The following ABI3BP variants were observed in gnomAD, a reference collection of about 807,000 sequenced individuals.
The protein encoded by ABI3BP is target of Nesh-SH3.
In ABI3BP, 216 loss-of-function variants were observed where a neutral mutation model predicts 268.6. The observed-to-expected ratio is 0.80, with a 90% CI of 0.72 to 0.90. The LOEUF (loss-of-function observed/expected upper bound fraction) is 0.90. Among genes scored for constraint, ABI3BP ranks in the 40% least tolerant of loss-of-function variants. ABI3BP has a pLI of 0.00. For missense variants in ABI3BP, 2,090 were observed against 2,182.4 expected, an observed-to-expected ratio of 0.96 and a Z score of 0.84; for synonymous variants, 730 against 730.0, an observed-to-expected ratio of 1.00 and a Z score of 0.00.
intron 7 of ABI3BP, among the ~76,000 whole-genome samples, chr3:100,876,093 C>A (rs975259493): frequency 1.3e-5 from 2 of 152,078 alleles, no homozygotes; most frequent in African/African-American, 2.4e-5. Flanking sequence ...ATTTGAAAAA[C>A]CAGAAGCCAA....
intron 37 of ABI3BP, among the ~76,000 whole-genome samples, chr3:100,822,971 G>A (rs1384502654): frequency 6.6e-6 from 1 of 152,088 alleles, no homozygotes; most frequent in Non-Finnish European, 1.5e-5. Flanking sequence ...ATGAAGGACA[G>A]TTCCACTAAA....
chr3:100,957,550 C>T (rs2077256288), intron 1 of ABI3BP, among the ~76,000 whole-genome samples: 1 of 152,112 alleles, frequency 6.6e-6, no homozygotes, highest in African/African-American at 2.4e-5. Flanking sequence ...AGTCATAAGA[C>T]TAGATGAGAT....
intron 59 of ABI3BP, among the ~76,000 whole-genome samples, chr3:100,776,300 G>A (rs989647206): frequency 1.3e-5 from 2 of 152,186 alleles, no homozygotes; most frequent in Admixed American, 1.3e-4. Flanking sequence ...CCTCTGACCT[G>A]GCCTCCAGGG....
chr3:100,754,342 C>T (rs2128224), intron 64 of ABI3BP, among the ~76,000 whole-genome samples: 5,630 of 152,216 alleles, frequency 0.037, 361 homozygotes, highest in African/African-American at 0.13. Context: ...TATTTTCATT[C>T]TAGACATGCA....
chr3:100,769,913 G>A (rs1461198053), intron 62 of ABI3BP, among the ~76,000 whole-genome samples: 1 of 152,202 alleles, frequency 6.6e-6, no homozygotes, highest in African/African-American at 2.4e-5. Context: ...TGTCTGAGGA[G>A]ACATAGCTGC....
In ABI3BP at chr3:100,886,131, T is replaced by G; in HGVS notation, c.643+11A>C. On this transcript the variant is annotated intron_variant, in intron 5 of 67. Transcript: ENST00000471714. ...AAAAGCTTACTGAAACAAACATTTC[T>G]AGGTACTTACTTCCAACAACAGTCT... is the stretch of plus-strand genomic sequence containing the variant. 6.4e-7 allele frequency: 1 copy of G among 1,557,468 alleles called. No homozygotes were observed. Among genetic ancestry groups the G allele is most frequent in the Non-Finnish European group, 8.6e-7 (1 of 1,156,978 alleles).
Position 100,817,484 on chromosome 3 carries a change from C to A in ABI3BP, c.3100G>T (p.Val1034Phe). ...GTTCTAAAAGTGTCAGGTTCAAGGA[C>A]TGTAGTAACAACTAGACAAAAATAA... ...EAPKTMVVTT[V>F]LEPDTFRTKF... The change falls in exon 42 of 68, where the codon GTC (valine) becomes TTC (phenylalanine). Residue 1034 changes from valine to phenylalanine, a missense_variant. Transcript: ENST00000471714. 6.7e-7 allele frequency: 1 copy of A among 1,501,870 alleles called. No individual in the cohort carries two copies. Among genetic ancestry groups the A allele is most frequent in the Admixed American group, 2.0e-5 (1 of 49,436 alleles). The allele number at this position is 1,501,870 out of a possible 1,614,324, so 93.0% of individuals were successfully genotyped here. A position where few individuals can be genotyped will look rare whatever the true frequency, so the allele number is the denominator to read the frequency against.
At chr3:100,842,474 TTC>T (rs965853101) in intron 20 of ABI3BP, among the ~76,000 whole-genome samples, 22 of 152,214 alleles carry the variant, frequency 1.4e-4, no homozygotes, top group African/African-American at 5.1e-4. Flanking sequence ...GGACCTGACG[TTC>T]TCTCACAAAA....
In ABI3BP at chr3:100,982,891, C is replaced by G. The variant is rs79243190; in HGVS notation, c.79+10415G>C. Among the ~76,000 whole-genome samples the G allele has an allele frequency of 4.0e-3, 613 of 152,208 alleles. 5 individuals are homozygous for G. Among genetic ancestry groups the G allele is most frequent in the African/African-American group, 0.014 (590 of 41,532 alleles). ...AGGAGAAGGAAATTGTCCTGCATCT[C>G]CTGCCGACATAGCTGGAAAAGAACT... On this transcript the variant is annotated intron_variant, in intron 1 of 67. Coordinates refer to ENST00000471714, the MANE Select transcript of ABI3BP (RefSeq NM_001375547.2).
intron 62 of ABI3BP, among the ~76,000 whole-genome samples, chr3:100,768,116 TCA>T (rs1454664795): frequency 2.7e-4 from 38 of 141,412 alleles, no homozygotes; most frequent in Non-Finnish European, 4.9e-4. Context: ...AGACGGAGTC[TCA>T]CACTCTGTCG....
intron 14 of ABI3BP, among the ~76,000 whole-genome samples, chr3:100,854,759 A>G (rs902841069): frequency 1.3e-5 from 2 of 152,384 alleles, no homozygotes; most frequent in Non-Finnish European, 2.9e-5. Context: ...AATAAAATAG[A>G]TAATTCAATT....
intron 45 of ABI3BP, among the ~76,000 whole-genome samples, chr3:100,813,336 GC>G: frequency 6.6e-6 from 1 of 152,200 alleles, no homozygotes; most frequent in East Asian, 1.9e-4. Context: ...ATTAAAGAGA[GC>G]CACAAACTTG....
At chr3:100,782,103 G>C (rs751613490) in intron 57 of ABI3BP, among the ~76,000 whole-genome samples, 3 of 152,168 alleles carry the variant, frequency 2.0e-5, no homozygotes, top group African/African-American at 4.8e-5. Flanking sequence ...TGGGTGGCTT[G>C]AGCTGCCACC....
intron 20 of ABI3BP, chr3:100,843,950 T>A (rs2152962367): frequency 1.0e-6 from 1 of 985,332 alleles, no homozygotes; most frequent in African/African-American, 1.7e-5. Flanking sequence ...ATTTTTGAGT[T>A]CCTGGCTGAG....
At chr3:100,786,793 G>A (rs540205496) in intron 57 of ABI3BP, among the ~76,000 whole-genome samples, 33 of 152,130 alleles carry the variant, frequency 2.2e-4, no homozygotes, top group African/African-American at 7.2e-4. Flanking sequence ...ATGCTTTCTT[G>A]CTTTTCATAA....
intron 9 of ABI3BP, 126 bp downstream of exon 9, chr3:100,874,715 T>C (rs1165132260): frequency 1.8e-6 from 1 of 548,766 alleles, no homozygotes; most frequent in Non-Finnish European, 3.2e-6. Flanking sequence ...CTCCAACCTC[T>C]TTGCCTCTAC....
chr3:100,993,366 AC>A lies in ABI3BP; in HGVS notation c.18del (p.Cys7ValfsTer10). The A allele has an allele frequency of 6.4e-7, 1 of 1,553,276 alleles. No individual in the cohort carries two copies. Among genetic ancestry groups the A allele is most frequent in the Non-Finnish European group, 8.7e-7 (1 of 1,147,722 alleles). ...GTAATACTTCCACAGAGAAGTAGAC[AC>A]CCCAAACTGGAGAGCATGTTGCATT... Reference protein sequence around the residue: MLSSLGCLLLCGSITL... With the variant: MLSSLXCLLLCGSITL... On this transcript the variant is annotated frameshift_variant, in exon 1 of 68. Transcript: ENST00000471714. LOFTEE classifies it high-confidence loss of function.
At chr3:100,956,949 G>T (rs1442364322) in intron 1 of ABI3BP, among the ~76,000 whole-genome samples, 2 of 152,178 alleles carry the variant, frequency 1.3e-5, no homozygotes, top group Non-Finnish European at 2.9e-5. Context: ...TAACTGGGCT[G>T]GATGGATAGG....
In ABI3BP at chr3:100,977,060, G is replaced by GT. The variant is rs914997129; in HGVS notation, c.79+16245dup. The stretch of plus-strand genomic sequence containing the variant: ...ACTCTTTAATCAGCATTTATGCTCA[G>GT]TTTTTTTGTGGTCCTGGAAAGGTAA... On this transcript the variant is annotated intron_variant, in intron 1 of 67. Coordinates refer to ENST00000471714, the MANE Select transcript of ABI3BP (RefSeq NM_001375547.2). Among the ~76,000 whole-genome samples the GT allele has an allele frequency of 1.5e-4, 23 of 152,204 alleles. No homozygotes were observed. The South Asian group carries it at 1.7e-3, about 11-fold the overall frequency.
Sources: gnomAD v4.1 joint callset for allele counts (sites outside exome capture counted in the v4.1 genomes callset) on GRCh38, gnomAD v4.1.1 for gene constraint, MANE v1.5 for transcripts, NCBI Gene and HGNC (gene_info 2026-07-23, HGNC 2026-07-21) for gene names.